The following TMEM260 variants were observed in gnomAD, a reference collection of about 807,000 sequenced individuals.
TMEM260 encodes the protein transmembrane protein 260.
TMEM260 carries 82 observed loss-of-function variants against 88.9 expected under a neutral mutation model. The ratio of observed to expected loss-of-function variants is 0.92; its 90% CI spans 0.77 to 1.11. The LOEUF is 1.11. Among genes scored for constraint, TMEM260 ranks in the 50% least tolerant of loss-of-function variants. The pLI is 0.00. For missense variants in TMEM260, 902 were observed against 853.4 expected, an observed-to-expected ratio of 1.06 and a Z score of -0.71; for synonymous variants, 314 against 309.3, an observed-to-expected ratio of 1.02 and a Z score of -0.16.
chr14:56,639,276 A>G (rs538475400), intron 15 of TMEM260, among the ~76,000 whole-genome samples: 1 of 151,906 alleles, frequency 6.6e-6, no homozygotes, highest in South Asian at 2.1e-4. Context: ...AGCCAACAAC[A>G]TTATGATACA....
Position 56,579,844 on chromosome 14 carries a change from G to T in TMEM260, c.-71G>T. 1 of 1,216,380 alleles carries T rather than the reference G, an allele frequency of 8.2e-7. No individual in the cohort carries two copies. Among genetic ancestry groups the T allele is most frequent in the Non-Finnish European group, 1.0e-6 (1 of 974,486 alleles). 75.3% of individuals were successfully genotyped at this position (1,216,380 alleles called of 1,614,324 possible). On this transcript the variant is annotated 5_prime_UTR_variant, in exon 1 of 16. Coordinates refer to ENST00000261556, the MANE Select transcript of TMEM260 (RefSeq NM_017799.4). ...GCCGCACAAGCTGCGCTCGTCTCTC[G>T]GCTGGGGAGCTCCGTGTCGCACCGG... is the stretch of plus-strand genomic sequence containing the variant.
chr14:56,635,274 AAAGT>A (rs1278291421), intron 14 of TMEM260, among the ~76,000 whole-genome samples: 2 of 152,222 alleles, frequency 1.3e-5, no homozygotes, highest in African/African-American at 4.8e-5. Context: ...TCATCTAACT[AAAGT>A]GAGTGTAATC....
At chr14:56,654,966 A>G (rs1008352454), downstream of TMEM260, among the ~76,000 whole-genome samples, 1 of 152,070 alleles carries the variant, frequency 6.6e-6, no homozygotes, top group Admixed American at 6.6e-5. Context: ...CTTGGTTTAT[A>G]TGTATGATTT....
chr14:56,644,707 G>C (rs141550892), intron 15 of TMEM260, among the ~76,000 whole-genome samples: 4,280 of 152,204 alleles, frequency 0.028, 127 homozygotes, highest in East Asian at 0.15. Flanking sequence ...CCATCAGAGT[G>C]AACAGGCAAC....
At position 56,620,361 on chromosome 14, in the gene TMEM260, C is replaced by T. The variant is rs10139631; in HGVS notation, c.1227-1170C>T. Among the ~76,000 whole-genome samples, 1,351 of 152,126 alleles carry T rather than the reference C, an allele frequency of 8.9e-3. 24 individuals carry two copies. The highest frequency in any genetic ancestry group is 0.031 in the African/African-American group (1,296 of 41,496). On this transcript the variant is annotated intron_variant, in intron 10 of 15. Transcript: ENST00000261556. ...GTAGAGCTGGTGTTAGGAAGGCCAC[C>T]AGGAGGCCTTGAGAGAAGGGGCTGC...
At chr14:56,582,080 T>G (rs1292027769) in intron 1 of TMEM260, among the ~76,000 whole-genome samples, 2 of 152,360 alleles carry the variant, frequency 1.3e-5, no homozygotes, top group South Asian at 2.1e-4. Context: ...ATAAACTGTT[T>G]TCCAAGTATA....
In TMEM260 at chr14:56,633,089, G is replaced by A. The variant is rs2139626677; in HGVS notation, c.1642G>A (p.Val548Ile). ...GCCATGGGGGTCTTGTGACAAATTA[G>A]TTCCTTTGGAGATTGTATTCAACCC... is the stretch of plus-strand genomic sequence containing the variant. ...LWPWGSCDKL[V>I]PLEIVFNPEE... is the part of the protein sequence containing the mutation. The change falls in exon 13 of 16, where the codon GTT (valine) becomes ATT (isoleucine). Residue 548 changes from valine to isoleucine, a missense_variant. By Grantham distance (29) the Val-to-Ile change is conservative. Coordinates refer to ENST00000261556, the MANE Select transcript of TMEM260 (RefSeq NM_017799.4). 1.2e-6 allele frequency: 2 copies of A among 1,613,732 alleles called. No homozygotes were observed. Among genetic ancestry groups the A allele is most frequent in the East Asian group, 4.5e-5 (2 of 44,848 alleles).
the TMEM260 span, among the ~76,000 whole-genome samples, chr14:56,656,950 A>G: frequency 1.3e-5 from 2 of 152,150 alleles, no homozygotes; most frequent in South Asian, 2.1e-4. Flanking sequence ...CATTACCATG[A>G]CCGTCCTTCC....
At chr14:56,635,776 A>C (rs1889003738) in intron 14 of TMEM260, among the ~76,000 whole-genome samples, 1 of 152,172 alleles carries the variant, frequency 6.6e-6, no homozygotes, top group African/African-American at 2.4e-5. Flanking sequence ...TGATATAAAG[A>C]GCTTATATAA....
chr14:56,634,866 C>CAGAAAGATATT (rs1385896759), intron 13 of TMEM260, 33 bp from the exon 14 acceptor site: 12 of 1,570,592 alleles, frequency 7.6e-6, no homozygotes, highest in Non-Finnish European at 1.0e-5. Context: ...AAGTGGGTGA[C>CAGAAAGATATT]AGAAAGATAT....
At chr14:56,662,446 T>C in the TMEM260 span, among the ~76,000 whole-genome samples, 4 of 152,126 alleles carry the variant, frequency 2.6e-5, no homozygotes, top group Non-Finnish European at 4.4e-5. Flanking sequence ...CCTAACAAGA[T>C]GGGAAGCTAC....
chr14:56,592,566 G>T (rs1055542651), intron 3 of TMEM260, among the ~76,000 whole-genome samples: 2 of 152,146 alleles, frequency 1.3e-5, no homozygotes, highest in African/African-American at 4.8e-5. Context: ...GAAATACATG[G>T]TGTTGATTAT....
At chr14:56,591,173 A>G (rs905721858) in intron 3 of TMEM260, among the ~76,000 whole-genome samples, 5 of 152,230 alleles carry the variant, frequency 3.3e-5, no homozygotes, top group Admixed American at 3.3e-4. Context: ...CACTGGAACT[A>G]GTCATCAGTT....
At position 56,585,774 on chromosome 14, in the gene TMEM260, C is replaced by T. The variant is rs775539519; in HGVS notation, c.206C>T (p.Pro69Leu). Residue 69 changes from proline to leucine, a missense_variant, in exon 3 of 16, where the codon CCT becomes CTT. Pro to Leu is a moderately conservative substitution (Grantham distance 98). Coordinates refer to ENST00000261556, the MANE Select transcript of TMEM260 (RefSeq NM_017799.4). ...AAHELGVAHP[P>L]GYPLFTLVAK... Reference sequence around the variant, plus strand: ...ATTTTTCCGTAGGTTGCCCATCCTCCTGGCTATCCTTTGTTCACGCTGGTG... The same window carrying T: ...ATTTTTCCGTAGGTTGCCCATCCTCTTGGCTATCCTTTGTTCACGCTGGTG... 2 of 1,611,848 alleles carry T rather than the reference C, an allele frequency of 1.2e-6. No homozygotes were observed. Among genetic ancestry groups the T allele is most frequent in the African/African-American group, 1.3e-5 (1 of 74,886 alleles).
intron 12 of TMEM260, among the ~76,000 whole-genome samples, chr14:56,630,277 G>A (rs958574305): frequency 2.6e-5 from 4 of 152,092 alleles, no homozygotes; most frequent in Admixed American, 6.5e-5. Flanking sequence ...TCTTCAACCT[G>A]TAAGATTGTA....
In TMEM260 at chr14:56,636,255, A is replaced by G. The variant is rs976989603; in HGVS notation, c.1779-253A>G. 4.7e-5 allele frequency among the ~76,000 whole-genome samples: 7 copies of G among 150,256 alleles called. No homozygotes were observed. The East Asian group carries it at 9.7e-4, about 21-fold the overall frequency. ...ATAACATACATTTGGAGGATGAACA[A>G]TGTATAATAGTGATAAGTGTAAGCT... On this transcript the variant is annotated intron_variant, in intron 14 of 15. Transcript: ENST00000261556.
At chr14:56,630,911 G>A (rs1321379367) in intron 12 of TMEM260, among the ~76,000 whole-genome samples, 1 of 152,114 alleles carries the variant, frequency 6.6e-6, no homozygotes, top group African/African-American at 2.4e-5. Flanking sequence ...TACCGGTTCT[G>A]TTTCCAAAGC....
chr14:56,632,574 CT>C (rs3837614), intron 12 of TMEM260, among the ~76,000 whole-genome samples: 1 of 151,882 alleles, frequency 6.6e-6, no homozygotes, highest in East Asian at 1.9e-4. Context: ...TTTCTTGGAG[CT>C]TTTTTTATCC....
In TMEM260 at chr14:56,585,816, C is replaced by G. The variant is rs1376335372; in HGVS notation, c.248C>G (p.Thr83Arg). The change falls in exon 3 of 16, where the codon ACA becomes AGA. Residue 83 changes from threonine to arginine, a missense_variant. Transcript: ENST00000261556. Reference protein sequence around the residue: ...LFTLVAKLAITLFPFGSIAYR... With the variant: ...LFTLVAKLAIRLFPFGSIAYR... ...ACGCTGGTGGCTAAACTGGCAATTA[C>G]ACTGTTTCCTTTTGGTTCAATTGCC... 6.2e-7 allele frequency: 1 copy of G among 1,613,398 alleles called. No individual in the cohort carries two copies. Among genetic ancestry groups the G allele is most frequent in the Non-Finnish European group, 8.5e-7 (1 of 1,179,644 alleles).
Sources: gnomAD v4.1 joint callset for allele counts (sites outside exome capture counted in the v4.1 genomes callset) on GRCh38, gnomAD v4.1.1 for gene constraint, MANE v1.5 for transcripts, NCBI Gene and HGNC (gene_info 2026-07-23, HGNC 2026-07-21) for gene names.